The following ABCA12 variants were observed in gnomAD, a reference collection of about 807,000 sequenced individuals.
ABCA12 encodes ATP binding cassette subfamily A member 12.
In ABCA12, 156 loss-of-function variants were observed where a neutral mutation model predicts 293.5. The observed-to-expected ratio is 0.53, with a 90% CI of 0.47 to 0.61. The LOEUF is 0.61. ABCA12 is among the 20% of genes least tolerant of loss of function. The pLI, the probability that ABCA12 is intolerant of heterozygous loss-of-function variation, is 0.00. For missense variants in ABCA12, 2,797 were observed against 3,090.2 expected (o/e 0.91, Z 2.25); for synonymous variants, 1,063 against 1,108.0 (o/e 0.96, Z 0.81).
At chr2:214,966,160 T>A (rs1389323942) in intron 39 of ABCA12, among the ~76,000 whole-genome samples, 1 of 152,184 alleles carries the variant, frequency 6.6e-6, no homozygotes, top group Non-Finnish European at 1.5e-5. Flanking sequence ...CTGCACGTTC[T>A]CACTTATAAG....
intron 1 of ABCA12, among the ~76,000 whole-genome samples, chr2:215,117,659 T>A (rs1222711926): frequency 6.6e-6 from 1 of 152,264 alleles, no homozygotes; most frequent in South Asian, 2.1e-4. Flanking sequence ...AATGCTAGTC[T>A]ATCTGATGCT....
chr2:214,985,574 G>T (rs1007736643), intron 28 of ABCA12, among the ~76,000 whole-genome samples: 1 of 152,000 alleles, frequency 6.6e-6, no homozygotes, highest in Admixed American at 6.6e-5. Context: ...AAAAAAATCT[G>T]GCCTTTTTGG....
rs1330219722 is a variant in ABCA12 at position 214,940,126 on chromosome 2, G to C, written c.7437-2511C>G. ...TGTCATAAATAGCTCTCATTATTTT[G>C]AGATACAGTCCATCAATACCTGGTT... On this transcript the variant is annotated intron_variant, in intron 50 of 52. Coordinates refer to ENST00000272895, the MANE Select transcript of ABCA12 (RefSeq NM_173076.3). Among the ~76,000 whole-genome samples, 5 of 152,110 alleles carry C rather than the reference G, an allele frequency of 3.3e-5. No homozygotes were observed. The East Asian group carries it at 9.6e-4, about 29-fold the overall frequency.
rs752944722 is a variant in ABCA12, at chr2:214,987,691, A to G, written c.3932T>C (p.Leu1311Pro). The change falls in exon 27 of 53, where the codon CTC becomes CCC. Residue 1311 changes from leucine (L) to proline (P), a missense_variant. Physicochemically the swap from Leu to Pro is moderately conservative, Grantham distance 98 (BLOSUM62 -3). This residue lies in a region of ABCA12 where 2,130 missense variants were observed against 2,427.0 expected (regional missense o/e 0.88). Coordinates refer to ENST00000272895, the MANE Select transcript of ABCA12 (RefSeq NM_173076.3). ...CTGCATCATGATGTTAGTAAACATGAGGCCATTGCTCTTCTCAGGCTTCAC... is the reference window on the plus strand; with the variant it reads ...CTGCATCATGATGTTAGTAAACATGGGGCCATTGCTCTTCTCAGGCTTCAC... ...AEVKPEKSNGLMFTNIMMQNT... is the reference protein window; with the variant it reads ...AEVKPEKSNGPMFTNIMMQNT... 1.9e-6 allele frequency: 3 copies of G among 1,614,074 alleles called. No individual in the cohort carries two copies. The highest frequency in any genetic ancestry group is 2.5e-6 in the Non-Finnish European group (3 of 1,179,974).
At chr2:215,078,620 A>C (rs1701878712) in intron 2 of ABCA12, among the ~76,000 whole-genome samples, 1 of 152,180 alleles carries the variant, frequency 6.6e-6, no homozygotes, top group African/African-American at 2.4e-5. Context: ...TTACTCATTC[A>C]TTCATTCATT....
Position 214,932,598 on chromosome 2 carries a change from A to G in ABCA12, c.*36T>C. 2 of 1,473,114 alleles carry G rather than the reference A, an allele frequency of 1.4e-6. No homozygotes were observed. The highest frequency in any genetic ancestry group is 2.3e-5 in the South Asian group (2 of 87,996). 91.3% of individuals were successfully genotyped at this position (1,473,114 alleles called of 1,614,324 possible). A position where few individuals can be genotyped will look rare whatever the true frequency, so the allele number is the denominator to read the frequency against. On this transcript the variant is annotated 3_prime_UTR_variant, in exon 53 of 53. Transcript: ENST00000272895. ...TGTGGCTTTTCTTCAAAATGAAGCC[A>G]TTGGTCACACGCTGAGATTGAGTTT...
At chr2:215,109,235 AG>A (rs1213402108) in intron 2 of ABCA12, among the ~76,000 whole-genome samples, 3 of 152,222 alleles carry the variant, frequency 2.0e-5, no homozygotes, top group Non-Finnish European at 4.4e-5. Flanking sequence ...TTACCCAAAT[AG>A]GAGTTTCAGA....
intron 23 of ABCA12, among the ~76,000 whole-genome samples, chr2:214,994,793 T>C (rs868200884): frequency 5.9e-5 from 9 of 152,148 alleles, no homozygotes; most frequent in Non-Finnish European, 8.8e-5. Context: ...ACTAAAAAAA[T>C]CTTTGTTTAA....
rs146002078 is a variant in ABCA12 at position 215,004,254 on chromosome 2, C to G, written c.2638G>C (p.Val880Leu). 325 of 1,613,852 alleles carry G rather than the reference C, an allele frequency of 2.0e-4. No homozygotes were observed. Among genetic ancestry groups the G allele is most frequent in the Non-Finnish European group, 2.0e-4 (241 of 1,179,946 alleles). The change falls in exon 20 of 53, where the codon GTG becomes CTG. Residue 880 changes from valine to leucine, a missense_variant. Val to Leu is a conservative substitution (Grantham distance 32, BLOSUM62 1). Coordinates refer to ENST00000272895, the MANE Select transcript of ABCA12 (RefSeq NM_173076.3). ...PFVQVFVKFSVGLDAVELLKQ... is the reference protein window; with the variant it reads ...PFVQVFVKFSLGLDAVELLKQ... ...AATAGTTCAACAGCATCGAGTCCCA[C>G]GGAGAACTTTACAAAAACTTGCACA... is the stretch of plus-strand genomic sequence containing the variant.
intron 39 of ABCA12, among the ~76,000 whole-genome samples, chr2:214,964,322 C>T (rs1329498160): frequency 6.6e-6 from 1 of 152,126 alleles, no homozygotes; most frequent in African/African-American, 2.4e-5. Context: ...TGGCACAAGA[C>T]AAGGATATGC....
chr2:214,938,307 A>G (rs950780142), intron 50 of ABCA12, among the ~76,000 whole-genome samples: 1 of 151,958 alleles, frequency 6.6e-6, no homozygotes, highest in African/African-American at 2.4e-5. Context: ...TGTGGCACAT[A>G]TACACCATAG....
chr2:215,016,645 A>C (rs1258860774), intron 14 of ABCA12, among the ~76,000 whole-genome samples: 2 of 149,914 alleles, frequency 1.3e-5, no homozygotes, highest in African/African-American at 4.9e-5. Flanking sequence ...CTCACTCTTA[A>C]TAAATTCAAA....
At chr2:215,112,497 G>GTTT (rs1186258195) in intron 1 of ABCA12, among the ~76,000 whole-genome samples, 10 of 125,592 alleles carry the variant, frequency 8.0e-5, no homozygotes, top group Non-Finnish European at 1.5e-4. Context: ...TTTTTTTTTT[G>GTTT]TTTTTTTTTG....
chr2:215,105,601 G>GCA (rs34835810), intron 2 of ABCA12, among the ~76,000 whole-genome samples: 2,349 of 138,372 alleles, frequency 0.017, 36 homozygotes, highest in Admixed American at 0.042. Context: ...ACACACACAC[G>GCA]CACACACACA....
At chr2:214,960,385 T>A (rs2105939610) in intron 39 of ABCA12, 1 of 152,288 alleles carries the variant, frequency 6.6e-6, no homozygotes, top group East Asian at 1.9e-4. Flanking sequence ...TTCTGCTTTG[T>A]ATTTCAGAAT....
intron 2 of ABCA12, among the ~76,000 whole-genome samples, chr2:215,095,083 G>T (rs1702223528): frequency 6.6e-6 from 1 of 151,816 alleles, no homozygotes; most frequent in African/African-American, 2.4e-5. Context: ...CTACTATTTT[G>T]TTTTGTTTTG....
intron 7 of ABCA12, among the ~76,000 whole-genome samples, chr2:215,039,645 C>T (rs1701057410): frequency 6.6e-6 from 1 of 151,986 alleles, no homozygotes; most frequent in Non-Finnish European, 1.5e-5. Flanking sequence ...GTCCCAGCTA[C>T]TTGGGAGGCT....
intron 30 of ABCA12, 43 bp from the exon 31 acceptor site, chr2:214,980,686 G>A (rs1408585126): frequency 6.2e-7 from 1 of 1,612,176 alleles, no homozygotes; most frequent in Non-Finnish European, 8.5e-7. Context: ...AAACGTGAAA[G>A]TACAGTTCCC....
intron 27 of ABCA12, 54 bp from the exon 28 acceptor site, chr2:214,986,782 A>G: frequency 1.3e-6 from 2 of 1,483,814 alleles, no homozygotes; most frequent in Non-Finnish European, 1.9e-6. Flanking sequence ...TAATGCAGCT[A>G]GAGTTAGACT....
Sources: allele counts gnomAD v4.1 joint callset (sites outside exome capture counted in the v4.1 genomes callset), GRCh38; gene constraint gnomAD v4.1.1; regional missense constraint gnomAD v4.1.1; transcripts MANE v1.5; gene names NCBI Gene and HGNC (gene_info 2026-07-23, HGNC 2026-07-21).